CYP4F22: variants seen among roughly 807,000 people sequenced by gnomAD.
CYP4F22 encodes the protein ultra-long-chain fatty acid omega-hydroxylase.
Under a neutral mutation model 60.4 loss-of-function variants are expected in CYP4F22, and 37 were observed. That is an observed-to-expected ratio of 0.61 (90% confidence interval 0.47 to 0.81). CYP4F22 has a LOEUF of 0.81. Among genes scored for constraint, CYP4F22 ranks in the 30% least tolerant of loss-of-function variants. CYP4F22 has a pLI of 0.00. For missense variants in CYP4F22, 655 were observed against 715.0 expected (o/e 0.92, Z 0.96); for synonymous variants, 258 against 280.5 (o/e 0.92, Z 0.80).
At chr19:15,510,504 G>C (rs942302924) in intron 1 of CYP4F22, among the ~76,000 whole-genome samples, 1 of 152,184 alleles carries the variant, frequency 6.6e-6, no homozygotes, top group Non-Finnish European at 1.5e-5. Context: ...CTCACCCGAG[G>C]TCGCACAGCA....
chr19:15,537,805 G>C, intron 6 of CYP4F22, 67 bp from the exon 7 acceptor site: 1 of 1,611,412 alleles, frequency 6.2e-7, no homozygotes, highest in Non-Finnish European at 8.5e-7. Flanking sequence ...AAACGCAGTC[G>C]GGTCCTTGTT....
intron 8 of CYP4F22, among the ~76,000 whole-genome samples, chr19:15,542,878 A>G (rs1419428382): frequency 6.6e-6 from 1 of 152,168 alleles, no homozygotes; most frequent in East Asian, 1.9e-4. Flanking sequence ...TGCAAAGGAC[A>G]TAATCTTGTT....
chr19:15,544,363 G>C, intron 10 of CYP4F22, 84 bp downstream of exon 10: 1 of 1,504,758 alleles, frequency 6.6e-7, no homozygotes. Context: ...CTTACTGATT[G>C]TGTGACCTCA....
chr19:15,528,304 T>G (rs1046783000), intron 3 of CYP4F22, among the ~76,000 whole-genome samples: 2 of 152,134 alleles, frequency 1.3e-5, no homozygotes, highest in Non-Finnish European at 2.9e-5. Context: ...AAATTAAAAA[T>G]TAGCCAGGCT....
chr19:15,544,379 G>A, intron 10 of CYP4F22, 100 bp downstream of exon 10: 1 of 1,407,828 alleles, frequency 7.1e-7, no homozygotes. Flanking sequence ...CCTCAGACAA[G>A]CCACTTTAGC....
chr19:15,541,875 AAAAAAAAAG>A (rs1971467013), intron 8 of CYP4F22, among the ~76,000 whole-genome samples: 1 of 151,816 alleles, frequency 6.6e-6, no homozygotes. Context: ...CAAAAAAAAA[AAAAAAAAAG>A]AAAAAAAAGA....
chr19:15,531,139 G>A (rs1402642436), intron 4 of CYP4F22, among the ~76,000 whole-genome samples: 1 of 152,134 alleles, frequency 6.6e-6, no homozygotes, highest in African/African-American at 2.4e-5. Flanking sequence ...CTACTTGGGT[G>A]GCTGAGATGG....
At position 15,537,925 on chromosome 19, in the gene CYP4F22, G is replaced by A. The variant is rs759653194; in HGVS notation, c.603G>A (p.Glu201=). 4 of 1,614,144 alleles carry A rather than the reference G, an allele frequency of 2.5e-6. No homozygotes were observed. The South Asian group carries it at 4.4e-5, about 18-fold the overall frequency. Residue 201 remains glutamate (E), a synonymous_variant, in exon 7 of 14, where the codon GAG becomes GAA. Transcript: ENST00000269703. ...EGSAVSLDMF[E]HISLMTLDSL... ...CAGCGGTCTCCCTTGATATGTTTGA[G>A]CATATCAGCCTCATGACCCTGGACA...
At position 15,551,451 on chromosome 19, in the gene CYP4F22, C is replaced by T; in HGVS notation, c.1576C>T (p.Pro526Ser). The T allele has an allele frequency of 1.3e-6, 2 of 1,565,794 alleles. No individual in the cohort carries two copies. The highest frequency in any genetic ancestry group is 4.8e-5 in the East Asian group (2 of 41,580). Residue 526 changes from proline to serine, a missense_variant, in exon 14 of 14, where the codon CCG (proline) becomes TCG (serine). This residue lies in a region of CYP4F22 where 151 missense variants were observed against 139.4 expected (regional missense o/e 1.08). Transcript: ENST00000269703. ...GAACGGGCTCTGGCTCAAGGTGGAG[C>T]CGCTGCCTCCGCGGGCCTGAGCGTG... ...TENGLWLKVE[P>S]LPPRA
chr19:15,520,720 G>A (rs1035214042), intron 1 of CYP4F22, among the ~76,000 whole-genome samples: 21 of 146,552 alleles, frequency 1.4e-4, no homozygotes, highest in East Asian at 2.0e-4. Context: ...CCCGAGTAGC[G>A]GGTACTACAG....
intron 1 of CYP4F22, among the ~76,000 whole-genome samples, chr19:15,514,737 A>C (rs768770255): frequency 1.3e-5 from 2 of 152,194 alleles, no homozygotes; most frequent in Admixed American, 6.6e-5. Flanking sequence ...GGAAAATTTT[A>C]TATAGTGTCA....
At chr19:15,511,391 G>A (rs915668977) in intron 1 of CYP4F22, among the ~76,000 whole-genome samples, 3 of 152,034 alleles carry the variant, frequency 2.0e-5, no homozygotes, top group African/African-American at 7.3e-5. Context: ...CCCAGGACGG[G>A]GAGGTTGCAG....
At chr19:15,535,015 C>T (rs137902783) in intron 4 of CYP4F22, among the ~76,000 whole-genome samples, 59 of 152,196 alleles carry the variant, frequency 3.9e-4, no homozygotes, top group African/African-American at 1.2e-3. Context: ...TAGGGAGCCA[C>T]GGGAAGTATT....
At chr19:15,510,022 C>T (rs1188448148) in intron 1 of CYP4F22, among the ~76,000 whole-genome samples, 5 of 151,242 alleles carry the variant, frequency 3.3e-5, no homozygotes, top group African/African-American at 1.2e-4. Context: ...CACTTTGTCA[C>T]CCAGGCAGGA....
chr19:15,549,024 T>G (rs1599818580), intron 11 of CYP4F22, 114 bp from the exon 12 acceptor site: 1 of 1,107,840 alleles, frequency 9.0e-7, no homozygotes. Context: ...GGACAGAAGG[T>G]GGTGGCAGAT....
rs1277228567 is a variant in CYP4F22 at position 15,540,698 on chromosome 19, A to G, written c.920A>G (p.Asp307Gly). 1 of 1,612,364 alleles carries G rather than the reference A, an allele frequency of 6.2e-7. No homozygotes were observed. The highest frequency in any genetic ancestry group is 1.3e-5 in the African/African-American group (1 of 74,518). ...CAGGGGAAGACCTTGGACTTTATTG[A>G]TGTGCTGCTCCTGGCCAGGGTGAGG... ...AKQGKTLDFI[D>G]VLLLARDEDG... Residue 307 changes from aspartate (D) to glycine (G), a missense_variant, in exon 8 of 14, where the codon GAT becomes GGT. Around this residue, in one of 3 missense-constraint regions of CYP4F22, gnomAD observed 430 missense variants for 457.1 expected, o/e 0.94. Coordinates refer to ENST00000269703, the MANE Select transcript of CYP4F22 (RefSeq NM_173483.4).
chr19:15,548,338 C>T (rs1971557469), intron 11 of CYP4F22, 97 bp downstream of exon 11: 5 of 1,557,414 alleles, frequency 3.2e-6, no homozygotes, highest in Non-Finnish European at 3.5e-6. Context: ...CCCAGGTGCA[C>T]TATCCCTGCA....
rs755471652 is a variant in CYP4F22 at position 15,537,634 on chromosome 19, T to A, written c.521T>A (p.Ile174Asn). 6.2e-7 allele frequency: 1 copy of A among 1,613,794 alleles called. No individual in the cohort carries two copies. Among genetic ancestry groups the A allele is most frequent in the Non-Finnish European group, 8.5e-7 (1 of 1,180,032 alleles). Residue 174 changes from isoleucine (I) to asparagine (N), a missense_variant, in exon 6 of 14, where the codon ATC becomes AAC. Physicochemically the swap from Ile to Asn is moderately radical, Grantham distance 149 (BLOSUM62 -3). Transcript: ENST00000269703. ...HFDILKPYMK[I>N]FNQSADIMHA... ...GACATCCTGAAGCCTTACATGAAGA[T>A]CTTCAACCAGAGCGCTGACATTATG...
At chr19:15,521,882 C>T (rs7247808) in intron 1 of CYP4F22, among the ~76,000 whole-genome samples, 2,681 of 152,098 alleles carry the variant, frequency 0.018, 90 homozygotes, top group African/African-American at 0.061. Context: ...TGGTGGCTCA[C>T]GCCTGTAATC....
Sources: allele counts gnomAD v4.1 joint callset (sites outside exome capture counted in the v4.1 genomes callset), GRCh38; gene constraint gnomAD v4.1.1; regional missense constraint gnomAD v4.1.1; transcripts MANE v1.5; gene names NCBI Gene and HGNC (gene_info 2026-07-23, HGNC 2026-07-21).